MAPRE2: variants seen among roughly 807,000 people sequenced by gnomAD.
MAPRE2 encodes the protein microtubule-associated protein RP/EB family member 2.
A neutral mutation model predicts 43.2 loss-of-function variants in MAPRE2; 13 were observed. The ratio of observed to expected loss-of-function variants is 0.30; its 90% CI spans 0.20 to 0.48. The LOEUF (loss-of-function observed/expected upper bound fraction) is 0.48, where lower values mean the gene tolerates loss of function less well. Ranked by LOEUF, MAPRE2 falls within the 20% of genes least tolerant of loss-of-function variation. MAPRE2 has a pLI of 0.99. For synonymous variants in MAPRE2, 135 were observed against 148.8 expected (o/e 0.91, Z 0.68); for missense variants, 161 against 400.2 (o/e 0.40, Z 5.10).
At chr18:35,033,130 T>C (rs944807693) in intron 2 of MAPRE2, among the ~76,000 whole-genome samples, 2 of 152,080 alleles carry the variant, frequency 1.3e-5, no homozygotes, top group African/African-American at 2.4e-5. Flanking sequence ...ACTGGCAAAC[T>C]GAATCCAGCA....
intron 2 of MAPRE2, among the ~76,000 whole-genome samples, chr18:35,075,034 G>C (rs769724103): frequency 1.3e-5 from 2 of 152,184 alleles, no homozygotes; most frequent in Non-Finnish European, 2.9e-5. Context: ...TTCAATTTGT[G>C]CTTCCCCAAA....
Position 35,127,145 on chromosome 18 carries a change from G to C in MAPRE2, c.750+58G>C, listed in dbSNP as rs774143022. ...GCAGTGACGTGTGTAAGAGGTAGGG[G>C]GCCTAGGATCCCCTAGGACTGGGGT... On this transcript the variant is annotated intron_variant, in intron 5 of 6. Coordinates refer to ENST00000300249, the MANE Select transcript of MAPRE2 (RefSeq NM_014268.4). 6 of 1,593,700 alleles carry C rather than the reference G, an allele frequency of 3.8e-6. No homozygotes were observed. The East Asian group carries it at 1.1e-4, about 30-fold the overall frequency.
chr18:34,998,648 A>T (rs1331333901), intron 1 of MAPRE2, among the ~76,000 whole-genome samples: 1 of 151,312 alleles, frequency 6.6e-6, no homozygotes, highest in African/African-American at 2.4e-5. Flanking sequence ...TTTTTAGTAG[A>T]GACGGGGTTT....
At chr18:35,010,320 C>A (rs1298203405) in intron 2 of MAPRE2, among the ~76,000 whole-genome samples, 1 of 152,192 alleles carries the variant, frequency 6.6e-6, no homozygotes, top group East Asian at 1.9e-4. Context: ...GCAGGCAGAT[C>A]CCTTGAATCC....
intron 2 of MAPRE2, among the ~76,000 whole-genome samples, chr18:35,017,267 A>G (rs1186354535): frequency 1.0e-5 from 1 of 98,634 alleles, no homozygotes; most frequent in Non-Finnish European, 2.0e-5. Flanking sequence ...TTTTTTGCAT[A>G]GGATTGCTTT....
intron 6 of MAPRE2, among the ~76,000 whole-genome samples, chr18:35,138,762 C>A (rs1389583069): frequency 6.6e-6 from 1 of 152,070 alleles, no homozygotes; most frequent in African/African-American, 2.4e-5. Context: ...GAAACTGGGG[C>A]CCAGAGCAGT....
At position 35,073,057 on chromosome 18, in the gene MAPRE2, A is replaced by G. The variant is rs114822036; in HGVS notation, c.250+2735A>G. Among the ~76,000 whole-genome samples, 971 of 152,264 alleles carry G rather than the reference A, an allele frequency of 6.4e-3. 8 individuals carry two copies. The highest frequency in any genetic ancestry group is 0.023 in the African/African-American group (935 of 41,548). On this transcript the variant is annotated intron_variant, in intron 2 of 6. Transcript: ENST00000300249. Reference sequence around the variant, plus strand: ...TTTATAATTTCCTGGGGAGCTGCTGAAAAAAAGCAGATGACCTTCTAAATC... The same window carrying G: ...TTTATAATTTCCTGGGGAGCTGCTGGAAAAAAGCAGATGACCTTCTAAATC...
At chr18:35,067,908 G>A (rs1358794824) in intron 1 of MAPRE2, among the ~76,000 whole-genome samples, 2 of 152,176 alleles carry the variant, frequency 1.3e-5, no homozygotes, top group East Asian at 3.8e-4. Flanking sequence ...AACAGTGGAA[G>A]TTATTAACCA....
chr18:35,066,524 C>T (rs1906845846), intron 1 of MAPRE2, among the ~76,000 whole-genome samples: 1 of 152,154 alleles, frequency 6.6e-6, no homozygotes, highest in Admixed American at 6.5e-5. Flanking sequence ...ACTCTCTCAC[C>T]TGAGTTTAAC....
chr18:34,988,193 T>C (rs2097021974), intron 1 of MAPRE2, among the ~76,000 whole-genome samples: 1 of 152,212 alleles, frequency 6.6e-6, no homozygotes, highest in South Asian at 2.1e-4. Flanking sequence ...CAGTTGGGTC[T>C]ATGGGAGATT....
At chr18:35,099,087 T>G (rs1277533805) in intron 3 of MAPRE2, among the ~76,000 whole-genome samples, 1 of 152,186 alleles carries the variant, frequency 6.6e-6, no homozygotes, top group Non-Finnish European at 1.5e-5. Context: ...TGATAGAGAA[T>G]GCAGAATTAA....
chr18:35,031,049 A>C (rs1276766722), intron 2 of MAPRE2, among the ~76,000 whole-genome samples: 1 of 151,730 alleles, frequency 6.6e-6, no homozygotes, highest in East Asian at 1.9e-4. Context: ...AAATTACAAC[A>C]CCCTTCCTCT....
intron 1 of MAPRE2, among the ~76,000 whole-genome samples, chr18:34,993,029 C>G (rs901174242): frequency 6.6e-6 from 1 of 152,106 alleles, no homozygotes; most frequent in African/African-American, 2.4e-5. Context: ...TGTGCTGCCT[C>G]AAAATACAGG....
chr18:35,018,527 T>C (rs1331132291), intron 2 of MAPRE2, among the ~76,000 whole-genome samples: 1 of 151,784 alleles, frequency 6.6e-6, no homozygotes, highest in African/African-American at 2.4e-5. Context: ...TGCTCAGGGT[T>C]TCGATTTCTT....
chr18:35,082,656 C>A (rs978486812), intron 2 of MAPRE2, among the ~76,000 whole-genome samples: 2 of 152,044 alleles, frequency 1.3e-5, no homozygotes, highest in African/African-American at 4.8e-5. Context: ...ATGATCAGAC[C>A]TTTACAAAGC....
intron 2 of MAPRE2, among the ~76,000 whole-genome samples, chr18:35,032,629 T>C (rs2097048372): frequency 6.6e-6 from 1 of 152,160 alleles, no homozygotes; most frequent in Non-Finnish European, 1.5e-5. Context: ...AATGCCAGGG[T>C]TCAGTCTTCC....
At position 35,121,646 on chromosome 18, in the gene MAPRE2, A is replaced by G. The variant is rs180761277; in HGVS notation, c.611-5302A>G. Among the ~76,000 whole-genome samples, 225 of 152,320 alleles carry G rather than the reference A, an allele frequency of 1.5e-3. 1 individual carries two copies. Among genetic ancestry groups the G allele is most frequent in the Non-Finnish European group, 1.3e-3 (91 of 68,022 alleles). On this transcript the variant is annotated intron_variant, in intron 4 of 6. Transcript: ENST00000300249. ...AATCAGCTGCAAGAAAAAAAAATCTATATCTGTATTACAGCCAAAGTAGGT... is the reference window on the plus strand; with the variant it reads ...AATCAGCTGCAAGAAAAAAAAATCTGTATCTGTATTACAGCCAAAGTAGGT...
At chr18:34,995,089 T>C (rs181811181) in intron 1 of MAPRE2, among the ~76,000 whole-genome samples, 3 of 152,314 alleles carry the variant, frequency 2.0e-5, no homozygotes, top group East Asian at 3.9e-4. Context: ...TCCCTGTAGG[T>C]GAGGACTCCT....
chr18:35,140,649 A>G lies in MAPRE2; in HGVS notation c.*280A>G. ...TGAGATTGGTTCTGCTCTTTTCTTC[A>G]TTTCTTTCCAGAACAACTCTTTCCC... On this transcript the variant is annotated 3_prime_UTR_variant, in exon 7 of 7. Transcript: ENST00000300249. The G allele has an allele frequency of 2.5e-6, 1 of 395,638 alleles. No homozygotes were observed. The highest frequency in any genetic ancestry group is 4.0e-5 in the Admixed American group (1 of 25,220). The allele number at this position is 395,638 out of a possible 1,614,324, so 24.5% of individuals were successfully genotyped here.
Sources: allele counts gnomAD v4.1 joint callset (sites outside exome capture counted in the v4.1 genomes callset), GRCh38; gene constraint gnomAD v4.1.1; transcripts MANE v1.5; gene names NCBI Gene and HGNC (gene_info 2026-07-23, HGNC 2026-07-21).